Variants in FMN2 observed in about 807,000 individuals in gnomAD.
FMN2 encodes formin 2.
FMN2 carries 51 observed loss-of-function variants against 142.3 expected under a neutral mutation model. The observed-to-expected ratio is 0.36, with a 90% CI of 0.29 to 0.45. The LOEUF (loss-of-function observed/expected upper bound fraction) is 0.45. FMN2 is among the 20% of genes least tolerant of loss of function. The pLI is 1.00. For synonymous variants in FMN2, 882 were observed against 869.8 expected (o/e 1.01, Z -0.25); for missense variants, 1,936 against 2,122.8 (o/e 0.91, Z 1.73).
chr1:240,309,735 A>G (rs12040084), intron 8 of FMN2, among the ~76,000 whole-genome samples: 56,094 of 151,394 alleles, frequency 0.37, 12,664 homozygotes, highest in African/African-American at 0.65. Context: ...CCTCATATTC[A>G]CTGTAAAGGG....
intron 2 of FMN2, among the ~76,000 whole-genome samples, chr1:240,136,462 C>T (rs929432387): frequency 3.3e-5 from 5 of 152,134 alleles, no homozygotes; most frequent in African/African-American, 4.8e-5. Context: ...CTTTTTAAGA[C>T]AATGACATAC....
At chr1:240,376,365 T>A (rs772292624) in intron 14 of FMN2, among the ~76,000 whole-genome samples, 28 of 152,242 alleles carry the variant, frequency 1.8e-4, no homozygotes, top group Middle Eastern at 6.8e-3. Context: ...GATCTTTATA[T>A]TTGTCTACTA....
intron 2 of FMN2, among the ~76,000 whole-genome samples, chr1:240,148,359 GACAGAGACAGAGAGAGAGAGAGAA>G (rs1558321265): frequency 1.1e-5 from 1 of 92,496 alleles, no homozygotes; most frequent in Non-Finnish European, 2.4e-5. Context: ...AAGACAGAGA[GACAGAGACAGAGAGAGAGAGAGAA>G]AGACAGAGAG....
chr1:240,178,826 A>G (rs1342864517), intron 3 of FMN2, among the ~76,000 whole-genome samples: 1 of 152,202 alleles, frequency 6.6e-6, no homozygotes, highest in African/African-American at 2.4e-5. Flanking sequence ...TGAGGAGTAA[A>G]TAGAAGAACA....
At chr1:240,269,967 A>G (rs1466418288) in intron 7 of FMN2, among the ~76,000 whole-genome samples, 1 of 152,022 alleles carries the variant, frequency 6.6e-6, no homozygotes, top group Non-Finnish European at 1.5e-5. Flanking sequence ...AGATTATGTC[A>G]TCAGCAAGCA....
chr1:240,242,655 C>G (rs1046298031), intron 6 of FMN2, among the ~76,000 whole-genome samples: 1 of 152,134 alleles, frequency 6.6e-6, no homozygotes, highest in Non-Finnish European at 1.5e-5. Flanking sequence ...TAGGAGAGCA[C>G]AAGAGGCTCT....
chr1:240,138,470 C>T (rs373782839), intron 2 of FMN2, among the ~76,000 whole-genome samples: 11 of 151,746 alleles, frequency 7.2e-5, no homozygotes, highest in Non-Finnish European at 1.2e-4. Context: ...GAGGCTGAGG[C>T]GGGCGGATCA....
At chr1:240,324,248 A>G (rs1277280207) in intron 8 of FMN2, among the ~76,000 whole-genome samples, 1 of 152,178 alleles carries the variant, frequency 6.6e-6, no homozygotes, top group South Asian at 2.1e-4. Context: ...TGATTTATAC[A>G]CTATTCTGGT....
At chr1:240,468,589 C>T (rs1198217340) in intron 16 of FMN2, among the ~76,000 whole-genome samples, 1 of 152,172 alleles carries the variant, frequency 6.6e-6, no homozygotes, top group Non-Finnish European at 1.5e-5. Context: ...ACATATTGGT[C>T]ATTTTAATTT....
chr1:240,427,034 C>T (rs1241365240), intron 15 of FMN2, among the ~76,000 whole-genome samples: 1 of 151,834 alleles, frequency 6.6e-6, no homozygotes, highest in Non-Finnish European at 1.5e-5. Flanking sequence ...GCTACCGTGC[C>T]AGGCCCAAGA....
intron 14 of FMN2, among the ~76,000 whole-genome samples, chr1:240,360,857 A>C (rs1400917847): frequency 6.6e-6 from 1 of 151,998 alleles, no homozygotes; most frequent in Non-Finnish European, 1.5e-5. Context: ...CATTCTCAGC[A>C]AACTATCGCA....
Position 240,372,735 on chromosome 1 carries a change from G to T in FMN2, c.4858+16827G>T, listed in dbSNP as rs1029860935. On this transcript the variant is annotated intron_variant, in intron 14 of 17. Coordinates refer to ENST00000319653, the MANE Select transcript of FMN2 (RefSeq NM_020066.5). ...CCACAGTAAAGCAATATTGGTTCCA[G>T]ACCACCACAGTAAAGCAATAAAGCA... Among the ~76,000 whole-genome samples, 7 of 150,636 alleles carry T rather than the reference G, an allele frequency of 4.6e-5. No individual in the cohort carries two copies. The East Asian group carries it at 1.4e-3, about 30-fold the overall frequency.
intron 13 of FMN2, among the ~76,000 whole-genome samples, chr1:240,345,804 A>G (rs1405712059): frequency 6.6e-6 from 1 of 152,116 alleles, no homozygotes; most frequent in Non-Finnish European, 1.5e-5. Context: ...TTATTAAGTC[A>G]AAAATGTCTA....
intron 15 of FMN2, among the ~76,000 whole-genome samples, chr1:240,405,178 A>T (rs1303337033): frequency 6.6e-6 from 1 of 152,214 alleles, no homozygotes; most frequent in African/African-American, 2.4e-5. Flanking sequence ...CGGGGATTCT[A>T]ATCACCGTGC....
intron 1 of FMN2, among the ~76,000 whole-genome samples, chr1:240,119,366 G>T (rs1052862507): frequency 6.6e-6 from 1 of 151,478 alleles, no homozygotes; most frequent in Non-Finnish European, 1.5e-5. Context: ...TGAGACGATT[G>T]CAGGGCGAGG....
chr1:240,094,080 T>C (rs1396269521), intron 1 of FMN2, among the ~76,000 whole-genome samples: 1 of 152,204 alleles, frequency 6.6e-6, no homozygotes, highest in African/African-American at 2.4e-5. Flanking sequence ...TTCTCTTTCA[T>C]TTTTCATCAC....
intron 7 of FMN2, among the ~76,000 whole-genome samples, chr1:240,260,713 C>G (rs1668596793): frequency 2.6e-5 from 4 of 152,202 alleles, no homozygotes; most frequent in Admixed American, 2.6e-4. Context: ...TGTCTGTTTA[C>G]TCTGCTGACT....
intron 15 of FMN2, among the ~76,000 whole-genome samples, chr1:240,432,115 G>A (rs1200910585): frequency 6.6e-6 from 1 of 151,842 alleles, no homozygotes; most frequent in Admixed American, 6.6e-5. Context: ...TATTTGGAGT[G>A]TGGAGATAAA....
intron 15 of FMN2, among the ~76,000 whole-genome samples, chr1:240,433,415 C>A (rs1336646566): frequency 6.6e-6 from 1 of 152,194 alleles, no homozygotes; most frequent in Non-Finnish European, 1.5e-5. Flanking sequence ...AGAGTTTCCT[C>A]TTTTGTTTCT....
Sources: allele counts gnomAD v4.1 joint callset (sites outside exome capture counted in the v4.1 genomes callset), GRCh38; gene constraint gnomAD v4.1.1; transcripts MANE v1.5; gene names NCBI Gene and HGNC (gene_info 2026-07-23, HGNC 2026-07-21).